Variants in PTPRE observed in about 807,000 individuals in gnomAD.
PTPRE encodes protein tyrosine phosphatase receptor type E.
Under a neutral mutation model 102.0 loss-of-function variants are expected in PTPRE, and 51 were observed. That is an observed-to-expected ratio of 0.50 (90% CI 0.40 to 0.63). The LOEUF (loss-of-function observed/expected upper bound fraction) is 0.63. Among genes scored for constraint, PTPRE ranks in the 30% least tolerant of loss-of-function variants. The probability of loss-of-function intolerance (pLI) is 0.00; values close to 1 mark genes in which losing one functional copy is unlikely to be tolerated. For synonymous variants in PTPRE, 345 were observed against 348.2 expected, an observed-to-expected ratio of 0.99 and a Z score of 0.10; for missense variants, 752 against 915.1, an observed-to-expected ratio of 0.82 and a Z score of 2.30.
intron 2 of PTPRE, 145 bp downstream of exon 2, chr10:127,982,441 T>C: frequency 3.9e-6 from 2 of 507,686 alleles, no homozygotes; most frequent in Non-Finnish European, 6.2e-6. Flanking sequence ...TTTTATGCCT[T>C]ACCTTGCTTG....
At chr10:128,077,131 A>C (rs1851272933) in intron 18 of PTPRE, among the ~76,000 whole-genome samples, 1 of 152,130 alleles carries the variant, frequency 6.6e-6, no homozygotes, top group Non-Finnish European at 1.5e-5. Flanking sequence ...GGTCAGCTGT[A>C]GGTAGGATGA....
intron 3 of PTPRE, among the ~76,000 whole-genome samples, chr10:128,046,469 G>A (rs1244798414): frequency 6.6e-6 from 1 of 152,230 alleles, no homozygotes; most frequent in Non-Finnish European, 1.5e-5. Context: ...CAGTCATGCT[G>A]AGGCCTGTTC....
At chr10:128,024,288 C>T (rs563452093) in intron 2 of PTPRE, among the ~76,000 whole-genome samples, 1 of 152,254 alleles carries the variant, frequency 6.6e-6, no homozygotes, top group South Asian at 2.1e-4. Context: ...TCCATTCTGT[C>T]TTATTTGGCC....
At chr10:127,918,476 A>G (rs7915208) in intron 1 of PTPRE, among the ~76,000 whole-genome samples, 2,411 of 151,254 alleles carry the variant, frequency 0.016, 70 homozygotes, top group African/African-American at 0.056. Context: ...GGAGAATGGC[A>G]TGAACCCGGG....
At chr10:127,976,953 G>T (rs574480720) in intron 1 of PTPRE, among the ~76,000 whole-genome samples, 2 of 152,326 alleles carry the variant, frequency 1.3e-5, no homozygotes, top group South Asian at 2.1e-4. Flanking sequence ...AGAGACAGCC[G>T]CAGGGGCCGT....
intron 2 of PTPRE, among the ~76,000 whole-genome samples, chr10:128,032,363 C>T (rs1192361217): frequency 6.6e-6 from 1 of 152,290 alleles, no homozygotes; most frequent in South Asian, 2.1e-4. Context: ...TAACAGAATC[C>T]AGGAAGGTTC....
chr10:127,969,958 A>G (rs1285607392), intron 1 of PTPRE, among the ~76,000 whole-genome samples: 1 of 152,198 alleles, frequency 6.6e-6, no homozygotes, highest in Non-Finnish European at 1.5e-5. Context: ...CTGGGGAGGC[A>G]AAGCTGTCTC....
rs1846435583 is a variant in PTPRE at position 128,028,317 on chromosome 10, A to G, written c.-7-12558A>G. On this transcript the variant is annotated intron_variant, in intron 2 of 20. Transcript: ENST00000254667. The surrounding 1 kb of genome is among the most constrained non-coding windows in gnomAD (Gnocchi z 4.5). ...GACCTCAGGTGGCCTCACTCCTGGC[A>G]GGCAGAAGGGACTCGGGTCACACAC... Among the ~76,000 whole-genome samples, 1 of 152,098 alleles carries G rather than the reference A, an allele frequency of 6.6e-6. No individual in the cohort carries two copies. The highest frequency in any genetic ancestry group is 2.4e-5 in the African/African-American group (1 of 41,418).
chr10:127,975,538 C>T (rs1362295030), intron 1 of PTPRE, among the ~76,000 whole-genome samples: 4 of 152,174 alleles, frequency 2.6e-5, no homozygotes, highest in African/African-American at 9.7e-5. Flanking sequence ...CCAGGCCCTT[C>T]ACACACATGC....
intron 2 of PTPRE, among the ~76,000 whole-genome samples, chr10:128,025,629 G>T (rs1352168049): frequency 6.6e-6 from 1 of 152,154 alleles, no homozygotes; most frequent in East Asian, 1.9e-4. Context: ...TGTGGAGGGA[G>T]CCCAGTGCCA....
chr10:128,018,107 C>A (rs978190608), intron 2 of PTPRE, among the ~76,000 whole-genome samples: 1 of 152,046 alleles, frequency 6.6e-6, no homozygotes, highest in Non-Finnish European at 1.5e-5. Flanking sequence ...AGTGGAAATT[C>A]CCAGAGCAAC....
intron 1 of PTPRE, among the ~76,000 whole-genome samples, chr10:127,930,342 GC>G (rs1392414295): frequency 1.3e-5 from 2 of 151,784 alleles, no homozygotes; most frequent in Non-Finnish European, 2.9e-5. Context: ...TTGTAATTTT[GC>G]CTTTTCTGAA....
intron 3 of PTPRE, among the ~76,000 whole-genome samples, chr10:128,044,907 A>G (rs1193647517): frequency 2.6e-5 from 4 of 152,256 alleles, no homozygotes; most frequent in African/African-American, 9.6e-5. Flanking sequence ...GAAAATGTTT[A>G]CATAAAAATA....
intron 1 of PTPRE, among the ~76,000 whole-genome samples, chr10:127,976,967 T>G (rs1239923311): frequency 6.6e-6 from 1 of 152,230 alleles, no homozygotes; most frequent in Non-Finnish European, 1.5e-5. Flanking sequence ...GGGCCGTGGC[T>G]GCGGTTCTGT....
intron 2 of PTPRE, chr10:127,998,448 T>A (rs1853508818): frequency 6.6e-6 from 1 of 152,218 alleles, no homozygotes; most frequent in Admixed American, 6.5e-5. Context: ...TTTAAAGGCT[T>A]TCCATTTCTG....
rs1233783141 is a variant in PTPRE, at chr10:128,056,211, C to A, written c.509C>A (p.Pro170His). The change falls in exon 7 of 21, where the codon CCC becomes CAC. Residue 170 changes from proline to histidine, a missense_variant and splice_region_variant. Physicochemically the swap from Pro to His is moderately conservative, Grantham distance 77. Around this residue, in one of 2 missense-constraint regions of PTPRE, gnomAD observed 636 missense variants for 824.4 expected, o/e 0.77. Coordinates refer to ENST00000254667, the MANE Select transcript of PTPRE (RefSeq NM_006504.6). ...REKNRYPNIL[P>H]NDHSRVILSQ... Reference sequence around the variant, plus strand: ...AAAAACAGATATCCCAACATCCTTCCCAGTAAGATTTTATTTTATGTTTTG... The same window carrying A: ...AAAAACAGATATCCCAACATCCTTCACAGTAAGATTTTATTTTATGTTTTG... The A allele has an allele frequency of 6.3e-7, 1 of 1,599,096 alleles. No homozygotes were observed. Among genetic ancestry groups the A allele is most frequent in the Non-Finnish European group, 8.6e-7 (1 of 1,166,626 alleles).
chr10:128,082,236 C>T (rs11016057), intron 20 of PTPRE, among the ~76,000 whole-genome samples: 35,710 of 115,978 alleles, frequency 0.31, 5,554 homozygotes, highest in Middle Eastern at 0.51. Context: ...GACAGGGTCT[C>T]ACTCTGTCAC....
intron 1 of PTPRE, among the ~76,000 whole-genome samples, chr10:127,933,620 TC>T (rs1847603217): frequency 6.6e-6 from 1 of 152,194 alleles, no homozygotes; most frequent in Non-Finnish European, 1.5e-5. Flanking sequence ...GCAAGCATAA[TC>T]ACAAATTAAT....
intron 2 of PTPRE, among the ~76,000 whole-genome samples, chr10:128,019,633 C>CCATCCATCCATCCATT (rs577601998): frequency 1.4e-5 from 2 of 147,252 alleles, no homozygotes; most frequent in African/African-American, 5.4e-5. Flanking sequence ...CTATGTCAGC[C>CCATCCATCCATCCATT]CATTCATTCA....
Sources: gnomAD v4.1 joint callset for allele counts (sites outside exome capture counted in the v4.1 genomes callset) on GRCh38, gnomAD v4.1.1 for gene constraint, gnomAD v4.1.1 regional missense constraint, Gnocchi (gnomAD v3.1) non-coding constraint, MANE v1.5 for transcripts, NCBI Gene and HGNC (gene_info 2026-07-23, HGNC 2026-07-21) for gene names.